The following BPIFC variants were observed in gnomAD, a reference collection of about 807,000 sequenced individuals.
BPIFC encodes BPI fold containing family C.
BPIFC carries 60 observed loss-of-function variants against 57.6 expected under a neutral mutation model. The observed-to-expected ratio is 1.04, with a 90% confidence interval of 0.85 to 1.29. The LOEUF (loss-of-function observed/expected upper bound fraction) is 1.29. Among genes scored for constraint, BPIFC ranks in the 50% most tolerant of loss-of-function variants. BPIFC has a pLI of 0.00. For missense variants in BPIFC, 581 were observed against 600.5 expected (o/e 0.97, Z 0.34); for synonymous variants, 243 against 224.5 (o/e 1.08, Z -0.74).
chr22:32,433,012 G>C (rs1934291697), intron 11 of BPIFC, among the ~76,000 whole-genome samples: 1 of 152,134 alleles, frequency 6.6e-6, no homozygotes, highest in Non-Finnish European at 1.5e-5. Context: ...AAACCAGCCA[G>C]GGCAACATGG....
chr22:32,435,568 C>T (rs1440440585), intron 10 of BPIFC, 136 bp downstream of exon 10: 10 of 838,520 alleles, frequency 1.2e-5, no homozygotes, highest in African/African-American at 1.7e-5. Context: ...TTCCCTCATT[C>T]CTTCACTGTC....
intron 3 of BPIFC, among the ~76,000 whole-genome samples, chr22:32,455,051 A>ATTT (rs58029060): frequency 4.6e-5 from 6 of 130,738 alleles, no homozygotes; most frequent in Admixed American, 8.1e-5. Context: ...TTTCATCTCC[A>ATTT]TTTTTTTTTT....
At chr22:32,443,689 C>T (rs1470183966) in intron 7 of BPIFC, among the ~76,000 whole-genome samples, 2 of 152,126 alleles carry the variant, frequency 1.3e-5, no homozygotes, top group Non-Finnish European at 2.9e-5. Flanking sequence ...CTGCCTGGGG[C>T]CGAGGGTTGA....
At position 32,432,417 on chromosome 22, in the gene BPIFC, G is replaced by T. The variant is rs753070287; in HGVS notation, c.1105C>A (p.Gln369Lys). The T allele has an allele frequency of 6.2e-7, 1 of 1,614,120 alleles. No homozygotes were observed. Among genetic ancestry groups the T allele is most frequent in the South Asian group, 1.1e-5 (1 of 91,076 alleles). The change falls in exon 12 of 17, where the codon CAA (glutamine) becomes AAA (lysine). Residue 369 changes from glutamine (Q) to lysine (K), a missense_variant. Gln to Lys is a moderately conservative substitution (Grantham distance 53). Coordinates refer to ENST00000300399, the MANE Select transcript of BPIFC (RefSeq NM_174932.3). ...GTTTCAACTGTGGAGTTCTTGGGTT[G>T]GGTGAGCATCATGATGGAGGCAGGG... Reference protein sequence around the residue: ...DIPASIMMLTQPKNSTVETIV... With the variant: ...DIPASIMMLTKPKNSTVETIV...
intron 12 of BPIFC, 25 bp from the exon 13 acceptor site, chr22:32,431,439 A>ATTTATTTATTTATTTTTTTTTATTTTTT: frequency 7.4e-7 from 1 of 1,343,078 alleles, no homozygotes; most frequent in Non-Finnish European, 1.1e-6. Context: ...AGCATTTATT[A>ATTTATTTATTTATTTTTTTTTATTTTTT]TTAAGACGAG....
At chr22:32,450,661 C>T (rs1264083825) in intron 4 of BPIFC, among the ~76,000 whole-genome samples, 2 of 151,938 alleles carry the variant, frequency 1.3e-5, no homozygotes, top group East Asian at 1.9e-4. Flanking sequence ...TGATACACCT[C>T]AATTCAAACA....
intron 2 of BPIFC, among the ~76,000 whole-genome samples, chr22:32,459,075 A>G (rs913778117): frequency 2.6e-5 from 4 of 152,240 alleles, no homozygotes; most frequent in African/African-American, 9.6e-5. Context: ...ATATATTCAC[A>G]GGCCTTCTTT....
rs1336789321 is a variant in BPIFC at position 32,437,847 on chromosome 22, T to G, written c.660A>C (p.Leu220Phe). The change falls in exon 9 of 17, where the codon TTA (leucine) becomes TTC (phenylalanine). Residue 220 changes from leucine to phenylalanine, a missense_variant. Transcript: ENST00000300399. ...GCAGAGTGTAGTTGTCAATCTTGGTTAAAACTAAATAACCAACAAAGAAAA... is the reference window on the plus strand; with the variant it reads ...GCAGAGTGTAGTTGTCAATCTTGGTGAAAACTAAATAACCAACAAAGAAAA... ...LNANLSTLEV[L>F]TKIDNYTLLD... The G allele has an allele frequency of 6.3e-7, 1 of 1,598,056 alleles. No homozygotes were observed.
chr22:32,446,660 C>T (rs1934738475), intron 5 of BPIFC: 3 of 797,102 alleles, frequency 3.8e-6, no homozygotes, highest in Non-Finnish European at 4.6e-6. Flanking sequence ...TCCTGTGGCA[C>T]CAACCAAGGC....
chr22:32,448,035 T>A (rs2009998), intron 4 of BPIFC, among the ~76,000 whole-genome samples: 47,248 of 151,810 alleles, frequency 0.31, 7,670 homozygotes, highest in East Asian at 0.54. Flanking sequence ...AGGGGTGATA[T>A]TTGTATTTTG....
chr22:32,445,713 G>A lies in BPIFC; in HGVS notation c.531-15C>T, dbSNP rs202091273. On this transcript the variant is annotated splice_polypyrimidine_tract_variant and intron_variant, in intron 6 of 16. Transcript: ENST00000300399. The stretch of plus-strand genomic sequence containing the variant: ...TATACAGAACACTGAGGAAAAAAAT[G>A]AAAAAAAAAAAAAAAAAAAAAAGAG... The A allele has an allele frequency of 3.5e-3, 2,464 of 710,978 alleles. No homozygotes were observed. Among genetic ancestry groups the A allele is most frequent in the Non-Finnish European group, 3.9e-3 (2,002 of 518,912 alleles). 44.0% of individuals were successfully genotyped at this position (710,978 alleles called of 1,614,324 possible).
At position 32,424,656 on chromosome 22, in the gene BPIFC, CTTCTTCTTCTTCT is replaced by C. The variant is rs1933969912; in HGVS notation, c.1218-5265_1218-5253del. ...TTCTTCTTCTTCTCTTCTTCTTCTTCTTCTTCTTCTTCTTCTTCTTCTTCTTCTTCTTCTTCCT... is the reference window on the plus strand; with the variant it reads ...TTCTTCTTCTTCTCTTCTTCTTCTTCTCTTCTTCTTCTTCTTCTTCTTCCT... On this transcript the variant is annotated intron_variant, in intron 13 of 16. Coordinates refer to ENST00000300399, the MANE Select transcript of BPIFC (RefSeq NM_174932.3). 9.6e-5 allele frequency among the ~76,000 whole-genome samples: 6 copies of C among 62,654 alleles called. 2 individuals carry two copies. The East Asian group carries it at 1.9e-3, about 20-fold the overall frequency. The allele number at this position is 62,654 out of a possible 152,430, so 41.1% of individuals were successfully genotyped here. A position where few individuals can be genotyped will look rare whatever the true frequency, so the allele number is the denominator to read the frequency against.
intron 8 of BPIFC, 69 bp downstream of exon 8, chr22:32,442,601 CA>C: frequency 6.7e-7 from 1 of 1,502,204 alleles, no homozygotes; most frequent in Non-Finnish European, 9.2e-7. Flanking sequence ...CCTTGAAAAG[CA>C]AACCCAGGCA....
intron 5 of BPIFC, chr22:32,446,600 G>T: frequency 4.3e-6 from 1 of 229,942 alleles, no homozygotes; most frequent in Non-Finnish European, 7.2e-6. Flanking sequence ...TACACAGCAG[G>T]CACTCAATAA....
At chr22:32,442,593 T>A in intron 8 of BPIFC, 78 bp downstream of exon 8, 1 of 1,456,728 alleles carries the variant, frequency 6.9e-7, no homozygotes, top group Non-Finnish European at 9.6e-7. Flanking sequence ...CTATACCGCC[T>A]TGAAAAGCAA....
intron 4 of BPIFC, among the ~76,000 whole-genome samples, chr22:32,451,599 C>T (rs993217806): frequency 3.3e-5 from 5 of 152,054 alleles, no homozygotes; most frequent in Admixed American, 6.5e-5. Context: ...CTAATGTAAA[C>T]GACGAGTTAA....
chr22:32,419,636 T>G lies in BPIFC; in HGVS notation c.1218-232A>C, dbSNP rs561497330. On this transcript the variant is annotated intron_variant, in intron 13 of 16. Transcript: ENST00000300399. ...CTGGCCAACATGGTGAAACCCTGAC[T>G]CTACTAAAAAAATGCAAAAATTAGC... Among the ~76,000 whole-genome samples the G allele has an allele frequency of 2.0e-5, 3 of 151,710 alleles. No homozygotes were observed. In the East Asian group the frequency reaches 5.9e-4, roughly 30 times the overall value.
intron 1 of BPIFC, among the ~76,000 whole-genome samples, chr22:32,461,946 G>T (rs1179752970): frequency 6.6e-6 from 1 of 151,982 alleles, no homozygotes; most frequent in African/African-American, 2.4e-5. Context: ...GGCCAAGGTG[G>T]GCGGATCATG....
At chr22:32,421,860 T>A (rs1368527174) in intron 13 of BPIFC, among the ~76,000 whole-genome samples, 1 of 152,122 alleles carries the variant, frequency 6.6e-6, no homozygotes, top group African/African-American at 2.4e-5. Flanking sequence ...TTTCGTGGAG[T>A]CAAAATACAA....
Sources: allele counts gnomAD v4.1 joint callset (sites outside exome capture counted in the v4.1 genomes callset), GRCh38; gene constraint gnomAD v4.1.1; transcripts MANE v1.5; gene names NCBI Gene and HGNC (gene_info 2026-07-23, HGNC 2026-07-21).